ARHGAP17: variants seen among roughly 807,000 people sequenced by gnomAD.
ARHGAP17 encodes the protein Rho GTPase activating protein 17.
Under a neutral mutation model 99.5 loss-of-function variants are expected in ARHGAP17, and 57 were observed. The ratio of observed to expected loss-of-function variants is 0.57; its 90% CI spans 0.46 to 0.71. The LOEUF is 0.71. ARHGAP17 is among the 30% of genes least tolerant of loss of function. ARHGAP17 has a pLI of 0.00. For synonymous variants in ARHGAP17, 417 were observed against 429.6 expected (o/e 0.97, Z 0.36); for missense variants, 1,000 against 1,122.4 (o/e 0.89, Z 1.56).
At chr16:24,952,623 T>C (rs1163153731) in intron 11 of ARHGAP17, among the ~76,000 whole-genome samples, 1 of 152,190 alleles carries the variant, frequency 6.6e-6, no homozygotes, top group Non-Finnish European at 1.5e-5. Flanking sequence ...ACATAATTTC[T>C]CCAGGTAGAA....
rs549847129 is a variant in ARHGAP17, at chr16:24,987,500, T to C, written c.54-8495A>G. Among the ~76,000 whole-genome samples the C allele has an allele frequency of 3.9e-5, 6 of 152,334 alleles. No individual in the cohort carries two copies. In the East Asian group the frequency reaches 1.2e-3, roughly 29 times the overall value. On this transcript the variant is annotated intron_variant, in intron 1 of 19. Coordinates refer to ENST00000289968, the MANE Select transcript of ARHGAP17 (RefSeq NM_001006634.3). ...GATTTCTACGTTTTCCCAACTTGCA[T>C]TTCAGAGGTTGAGAGACGCTGGCTT...
At position 24,931,212 on chromosome 16, in the gene ARHGAP17, G is replaced by A; in HGVS notation, c.2087C>T (p.Ser696Leu). 4 of 1,568,574 alleles carry A rather than the reference G, an allele frequency of 2.6e-6. No individual in the cohort carries two copies. Among genetic ancestry groups the A allele is most frequent in the South Asian group, 1.2e-5 (1 of 83,066 alleles). Residue 696 changes from serine (S) to leucine (L), a missense_variant, in exon 19 of 20, where the codon TCA becomes TTA. Physicochemically the swap from Ser to Leu is moderately radical, Grantham distance 145. This residue lies in a region of ARHGAP17 where 528 missense variants were observed against 511.4 expected (regional missense o/e 1.03). Coordinates refer to ENST00000289968, the MANE Select transcript of ARHGAP17 (RefSeq NM_001006634.3). ...PGQPSAPSQL[S>L]APRRYSSSLS... Reference sequence around the variant, plus strand: ...GCTGCTGGAGTACCTCCGGGGTGCTGAGAGCTGGGAGGGGGCGGAGGGCTG... The same window carrying A: ...GCTGCTGGAGTACCTCCGGGGTGCTAAGAGCTGGGAGGGGGCGGAGGGCTG...
In ARHGAP17 at chr16:24,919,804, C is replaced by T; in HGVS notation, c.*326G>A. On this transcript the variant is annotated 3_prime_UTR_variant, in exon 20 of 20. Coordinates refer to ENST00000289968, the MANE Select transcript of ARHGAP17 (RefSeq NM_001006634.3). ...TCCAAGTTGCTGTAGGTGCTGCCCGCATTAACAGCAGGGACAAAAGCTTCC... is the reference window on the plus strand; with the variant it reads ...TCCAAGTTGCTGTAGGTGCTGCCCGTATTAACAGCAGGGACAAAAGCTTCC... 1 of 201,550 alleles carries T rather than the reference C, an allele frequency of 5.0e-6. No homozygotes were observed. The highest frequency in any genetic ancestry group is 1.0e-5 in the Non-Finnish European group (1 of 98,982). The allele number at this position is 201,550 out of a possible 1,614,324, so 12.5% of individuals were successfully genotyped here. A position where few individuals can be genotyped will look rare whatever the true frequency, so the allele number is the denominator to read the frequency against.
In ARHGAP17 at chr16:24,964,204, T is replaced by C. The variant is rs569462557; in HGVS notation, c.566A>G (p.Gln189Arg). The C allele has an allele frequency of 1.9e-6, 3 of 1,606,054 alleles. No homozygotes were observed. ...ATCAAGGAATTCTCATACCTTGCAC[T>C]GTTCTACTTTATTTCCAGCTTCATC... Reference protein sequence around the residue: ...EMDEAGNKVEQCKDQLAADMY... With the variant: ...EMDEAGNKVERCKDQLAADMY... The change falls in exon 7 of 20, where the codon CAG becomes CGG. Residue 189 changes from glutamine to arginine, a missense_variant. Coordinates refer to ENST00000289968, the MANE Select transcript of ARHGAP17 (RefSeq NM_001006634.3).
In ARHGAP17 at chr16:24,965,829, A is replaced by G. The variant is rs556110207; in HGVS notation, c.462-1521T>C. 3.3e-5 allele frequency among the ~76,000 whole-genome samples: 5 copies of G among 152,372 alleles called. No individual in the cohort carries two copies. In the South Asian group the frequency reaches 1.0e-3, roughly 32 times the overall value. On this transcript the variant is annotated intron_variant, in intron 6 of 19. Coordinates refer to ENST00000289968, the MANE Select transcript of ARHGAP17 (RefSeq NM_001006634.3). ...CATAAGGAGGAAAAGCGAGAAAAAT[A>G]TGTGTGCATGTGCACAGCATATGAT...
chr16:24,954,021 T>A (rs902578499), intron 10 of ARHGAP17, among the ~76,000 whole-genome samples: 9 of 152,052 alleles, frequency 5.9e-5, no homozygotes, highest in African/African-American at 2.2e-4. Context: ...ACGTTCTATT[T>A]CAATACAAAG....
intron 14 of ARHGAP17, among the ~76,000 whole-genome samples, chr16:24,944,671 C>G (rs2051416365): frequency 6.6e-6 from 1 of 152,128 alleles, no homozygotes; most frequent in Non-Finnish European, 1.5e-5. Context: ...GGCTGGAGTG[C>G]AGTGGCGCTA....
At chr16:24,989,774 C>T (rs2052982119) in intron 1 of ARHGAP17, among the ~76,000 whole-genome samples, 1 of 151,960 alleles carries the variant, frequency 6.6e-6, no homozygotes, top group Non-Finnish European at 1.5e-5. Context: ...AGATATATAC[C>T]ACATGTTCTC....
Position 24,949,468 on chromosome 16 carries a change from TG to T in ARHGAP17, c.1062del (p.Asp354GlufsTer25). ...WTQVASVQDQ[D>X]KKLQDLWRTC... ...GTTCTCCACAAGTCTTGAAGTTTTT[TG>T]TCTTGATCCTGCACACTGAGAACAA... On this transcript the variant is annotated frameshift_variant, in exon 13 of 20. Transcript: ENST00000289968. LOFTEE classifies it high-confidence loss of function. 1.2e-6 allele frequency: 2 copies of T among 1,613,884 alleles called. No individual in the cohort carries two copies. Among genetic ancestry groups the T allele is most frequent in the Non-Finnish European group, 1.7e-6 (2 of 1,179,972 alleles).
chr16:24,976,897 T>C (rs890437099), intron 3 of ARHGAP17, among the ~76,000 whole-genome samples: 1 of 152,244 alleles, frequency 6.6e-6, no homozygotes, highest in Non-Finnish European at 1.5e-5. Context: ...TCTACTTCAA[T>C]GTCAATTTAA....
intron 1 of ARHGAP17, among the ~76,000 whole-genome samples, chr16:24,998,947 TG>T (rs1009688389): frequency 6.6e-6 from 1 of 151,444 alleles, no homozygotes; most frequent in African/African-American, 2.4e-5. Flanking sequence ...CGGGCAGAGG[TG>T]GACAAGGGAC....
chr16:24,999,778 C>T (rs2053308323), intron 1 of ARHGAP17, among the ~76,000 whole-genome samples: 2 of 152,142 alleles, frequency 1.3e-5, no homozygotes. Flanking sequence ...CAGTACTTTC[C>T]ACAATAAGCT....
At chr16:24,998,859 C>T (rs1250926015) in intron 1 of ARHGAP17, among the ~76,000 whole-genome samples, 1 of 152,154 alleles carries the variant, frequency 6.6e-6, no homozygotes, top group Non-Finnish European at 1.5e-5. Context: ...ATGCCTGACC[C>T]CATCAGAGAA....
At chr16:25,005,782 TAAC>T (rs1245629571) in intron 1 of ARHGAP17, among the ~76,000 whole-genome samples, 1 of 152,150 alleles carries the variant, frequency 6.6e-6, no homozygotes, top group Non-Finnish European at 1.5e-5. Flanking sequence ...TTTAAATAGA[TAAC>T]AAATTTTTTA....
intron 3 of ARHGAP17, among the ~76,000 whole-genome samples, chr16:24,974,802 G>C (rs1254253815): frequency 6.6e-6 from 1 of 152,186 alleles, no homozygotes. Context: ...AATATTCACA[G>C]AGAGAAATCA....
chr16:24,983,933 T>C (rs1174315882), intron 1 of ARHGAP17, among the ~76,000 whole-genome samples: 2 of 152,208 alleles, frequency 1.3e-5, no homozygotes, highest in East Asian at 1.9e-4. Context: ...CAGGCCTTCA[T>C]AGTGCCACTT....
At chr16:24,936,985 G>A (rs1196336909) in intron 17 of ARHGAP17, among the ~76,000 whole-genome samples, 1 of 151,334 alleles carries the variant, frequency 6.6e-6, no homozygotes, top group East Asian at 2.0e-4. Context: ...TGGGCATGGG[G>A]ATGCACTACT....
chr16:24,930,987 G>C lies in ARHGAP17; in HGVS notation c.2312C>G (p.Pro771Arg). 6.2e-7 allele frequency: 1 copy of C among 1,613,960 alleles called. No homozygotes were observed. The highest frequency in any genetic ancestry group is 8.5e-7 in the Non-Finnish European group (1 of 1,179,958). The stretch of plus-strand genomic sequence containing the variant: ...CAGGGTCTGAGGAGCTGGCAGACTG[G>C]GGTTCTGTTTTCCTAGGGGCGGAGT... ...PSTPPLGKQN[P>R]SLPAPQTLAG... The change falls in exon 19 of 20, where the codon CCC becomes CGC. Residue 771 changes from proline to arginine, a missense_variant. By Grantham distance (103) the Pro-to-Arg change is moderately radical. Transcript: ENST00000289968.
In ARHGAP17 at chr16:24,970,867, CTTA is replaced by C. The variant is rs572204844; in HGVS notation, c.199-290_199-288del. ...TATTATTGCTGTTGTTGTTGTTCTG[CTTA>C]TTATTATTTTTGTTTGTTTTTTTGG... is the stretch of plus-strand genomic sequence containing the variant. On this transcript the variant is annotated intron_variant, in intron 3 of 19. Transcript: ENST00000289968. Among the ~76,000 whole-genome samples the C allele has an allele frequency of 4.6e-5, 7 of 152,120 alleles. No individual in the cohort carries two copies. The South Asian group carries it at 1.5e-3, about 32-fold the overall frequency.
Sources: gnomAD v4.1 joint callset for allele counts (sites outside exome capture counted in the v4.1 genomes callset) on GRCh38, gnomAD v4.1.1 for gene constraint, gnomAD v4.1.1 regional missense constraint, MANE v1.5 for transcripts, NCBI Gene and HGNC (gene_info 2026-07-23, HGNC 2026-07-21) for gene names.